Variants in SEMA3A observed in about 807,000 individuals in gnomAD.
The protein encoded by SEMA3A is semaphorin 3A, also known as semaphorin-3A.
In SEMA3A, 29 loss-of-function variants were observed where a neutral mutation model predicts 97.9. That is an observed-to-expected ratio of 0.30 (90% CI 0.22 to 0.40). The LOEUF (loss-of-function observed/expected upper bound fraction) is 0.40, where lower values mean the gene tolerates loss of function less well. Ranked by LOEUF, SEMA3A falls within the 10% of genes least tolerant of loss-of-function variation. The pLI is 1.00. For synonymous variants in SEMA3A, 321 were observed against 323.7 expected (o/e 0.99, Z 0.09); for missense variants, 763 against 951.3 (o/e 0.80, Z 2.60).
At chr7:84,426,093 G>T (rs544395665) in intron 1 of SEMA3A, among the ~76,000 whole-genome samples, 2 of 151,850 alleles carry the variant, frequency 1.3e-5, no homozygotes, top group Admixed American at 6.6e-5. Context: ...GGTGGGAGGG[G>T]CGTGAGGAAT....
chr7:84,449,317 A>G (rs1805502904), intron 1 of SEMA3A, among the ~76,000 whole-genome samples: 1 of 152,166 alleles, frequency 6.6e-6, no homozygotes, highest in Non-Finnish European at 1.5e-5. Flanking sequence ...CATCTTTAGG[A>G]AGCTATAAAA....
intron 3 of SEMA3A, among the ~76,000 whole-genome samples, chr7:84,275,647 A>T (rs779691126): frequency 5.9e-5 from 9 of 151,896 alleles, no homozygotes; most frequent in Non-Finnish European, 1.2e-4. Context: ...TGGTCTAGGG[A>T]TCACATTTTG....
chr7:84,085,323 T>C (rs1794298092), intron 4 of SEMA3A, among the ~76,000 whole-genome samples: 1 of 150,474 alleles, frequency 6.6e-6, no homozygotes, highest in Non-Finnish European at 1.5e-5. Flanking sequence ...TCATAGGAAA[T>C]GAGAACATAG....
At position 84,478,910 on chromosome 7, in the gene SEMA3A, A is replaced by G. The variant is rs559097586; in HGVS notation, c.-246+13550T>C. Among the ~76,000 whole-genome samples, 9 of 152,206 alleles carry G rather than the reference A, an allele frequency of 5.9e-5. No individual in the cohort carries two copies. The South Asian group carries it at 1.9e-3, about 32-fold the overall frequency. ...TAAGTTAAATAGAAGGTGATATGAC[A>G]CGCCTGTGATTATCAACCTTATATA... On this transcript the variant is annotated intron_variant, in intron 1 of 3. Coordinates refer to the SEMA3A transcript ENST00000424555.
chr7:84,148,131 T>C (rs1174364059), intron 1 of SEMA3A, among the ~76,000 whole-genome samples: 1 of 152,076 alleles, frequency 6.6e-6, no homozygotes, highest in Non-Finnish European at 1.5e-5. Flanking sequence ...GCCAGGCTGG[T>C]CTCGAACCCC....
chr7:84,059,550 T>A (rs1793133052), intron 5 of SEMA3A, among the ~76,000 whole-genome samples: 1 of 152,042 alleles, frequency 6.6e-6, no homozygotes, highest in African/African-American at 2.4e-5. Context: ...TTTAATTTTT[T>A]AATCAAGATT....
intron 4 of SEMA3A, among the ~76,000 whole-genome samples, chr7:84,098,977 T>C (rs1794860770): frequency 1.3e-5 from 2 of 151,110 alleles, no homozygotes; most frequent in Admixed American, 1.3e-4. Flanking sequence ...CTAATAGTAA[T>C]AAAAGTAATA....
chr7:84,285,989 G>T (rs867297103), intron 3 of SEMA3A, among the ~76,000 whole-genome samples: 4 of 122,322 alleles, frequency 3.3e-5, no homozygotes, highest in Non-Finnish European at 4.9e-5. Context: ...AAAAAAAAAA[G>T]AAGAAGAAGA....
intron 12 of SEMA3A, 97 bp from the exon 13 acceptor site, chr7:83,985,574 A>C (rs1357787087): frequency 9.6e-6 from 9 of 936,438 alleles, no homozygotes; most frequent in African/African-American, 1.6e-5. Flanking sequence ...TTTCAGAGAG[A>C]AACTTCAGTG....
chr7:84,219,138 C>CA (rs1290593987), intron 3 of SEMA3A, among the ~76,000 whole-genome samples: 2 of 151,860 alleles, frequency 1.3e-5, no homozygotes, highest in Non-Finnish European at 2.9e-5. Flanking sequence ...AAACCAGTGA[C>CA]AAAAAAATCA....
intron 1 of SEMA3A, among the ~76,000 whole-genome samples, chr7:84,185,457 A>G (rs777835211): frequency 1.3e-5 from 2 of 152,018 alleles, no homozygotes; most frequent in African/African-American, 2.4e-5. Context: ...AGATCATCTG[A>G]GGTCAGGAGT....
intron 1 of SEMA3A, among the ~76,000 whole-genome samples, chr7:84,469,868 G>T (rs1806103503): frequency 6.6e-6 from 1 of 151,832 alleles, no homozygotes; most frequent in Non-Finnish European, 1.5e-5. Flanking sequence ...ATGAACTTTA[G>T]TTCCAAATCA....
At chr7:84,350,936 T>C (rs1190823180) in intron 2 of SEMA3A, among the ~76,000 whole-genome samples, 1 of 152,088 alleles carries the variant, frequency 6.6e-6, no homozygotes, top group Non-Finnish European at 1.5e-5. Flanking sequence ...AGTGTAAAAG[T>C]AAGGTGAGTT....
At chr7:84,115,363 T>A (rs1795393218) in intron 3 of SEMA3A, among the ~76,000 whole-genome samples, 1 of 152,132 alleles carries the variant, frequency 6.6e-6, no homozygotes, top group Admixed American at 6.6e-5. Context: ...ATTGACTATT[T>A]GTTTTGAAGT....
chr7:84,129,502 A>G (rs1795899853), intron 2 of SEMA3A, among the ~76,000 whole-genome samples: 1 of 152,160 alleles, frequency 6.6e-6, no homozygotes, highest in Non-Finnish European at 1.5e-5. Context: ...ATCTTGAGAG[A>G]ACGTGAGAAT....
chr7:84,039,321 T>G (rs1792050303), intron 6 of SEMA3A, among the ~76,000 whole-genome samples: 1 of 152,124 alleles, frequency 6.6e-6, no homozygotes, highest in Non-Finnish European at 1.5e-5. Context: ...ATGGAGGACC[T>G]GGGATATAAA....
chr7:84,100,027 T>C (rs17232537), intron 4 of SEMA3A, among the ~76,000 whole-genome samples: 61,723 of 151,922 alleles, frequency 0.41, 14,483 homozygotes, highest in Admixed American at 0.51. Flanking sequence ...GTAAACTCTA[T>C]GCACACTGGG....
chr7:84,009,918 A>AC (rs1385727693), intron 9 of SEMA3A, among the ~76,000 whole-genome samples: 1 of 136,832 alleles, frequency 7.3e-6, no homozygotes, highest in Non-Finnish European at 1.5e-5. Flanking sequence ...AAAAAAAAAA[A>AC]AAAAAAAAAA....
rs1396907945 is a variant in SEMA3A at position 83,956,578 on chromosome 7, G to C, written c.*4793C>G. On this transcript the variant is annotated 3_prime_UTR_variant, in exon 17 of 17. Coordinates refer to ENST00000265362, the MANE Select transcript of SEMA3A (RefSeq NM_006080.3). ...AAGAGATTGTGGGGTGGAAGTGTAGGAGGCTGAATGTGTGACATATGACAG... is the reference window on the plus strand; with the variant it reads ...AAGAGATTGTGGGGTGGAAGTGTAGCAGGCTGAATGTGTGACATATGACAG... 1.3e-5 allele frequency: 2 copies of C among 152,172 alleles called. No homozygotes were observed. Among genetic ancestry groups the C allele is most frequent in the Non-Finnish European group, 2.9e-5 (2 of 68,054 alleles). The allele number at this position is 152,172 out of a possible 1,614,324, so 9.4% of individuals were successfully genotyped here.
Sources: allele counts gnomAD v4.1 joint callset (sites outside exome capture counted in the v4.1 genomes callset), GRCh38; gene constraint gnomAD v4.1.1; transcripts MANE v1.5; gene names NCBI Gene and HGNC (gene_info 2026-07-23, HGNC 2026-07-21).